Variants in KIF6 observed in about 807,000 individuals in gnomAD.
The protein encoded by KIF6 is kinesin-like protein KIF6.
A neutral mutation model predicts 112.7 loss-of-function variants in KIF6; 106 were observed. The ratio of observed to expected loss-of-function variants is 0.94; its 90% CI spans 0.80 to 1.11. The LOEUF (loss-of-function observed/expected upper bound fraction) is 1.11, where lower values mean the gene tolerates loss of function less well. Ranked by LOEUF, KIF6 falls within the 50% of genes least tolerant of loss-of-function variation. The pLI is 0.00. For synonymous variants in KIF6, 339 were observed against 339.9 expected (o/e 1.00, Z 0.03); for missense variants, 929 against 964.0 (o/e 0.96, Z 0.48).
At chr6:39,573,503 T>C (rs1780756971) in intron 10 of KIF6, among the ~76,000 whole-genome samples, 1 of 152,246 alleles carries the variant, frequency 6.6e-6, no homozygotes, top group African/African-American at 2.4e-5. Flanking sequence ...TAATCTGCAC[T>C]GTCAGTTGTG....
At chr6:39,653,680 C>T (rs1487262898) in intron 3 of KIF6, among the ~76,000 whole-genome samples, 2 of 152,112 alleles carry the variant, frequency 1.3e-5, no homozygotes, top group Non-Finnish European at 2.9e-5. Context: ...TGCTGGAAGC[C>T]TCTTAAAATC....
At chr6:39,434,289 C>T (rs530616649) in intron 13 of KIF6, among the ~76,000 whole-genome samples, 2 of 151,764 alleles carry the variant, frequency 1.3e-5, no homozygotes, top group Non-Finnish European at 2.9e-5. Flanking sequence ...AATGGCAGGG[C>T]GCAATGGCTC....
chr6:39,581,672 T>C (rs1781304955), intron 9 of KIF6, among the ~76,000 whole-genome samples: 1 of 152,002 alleles, frequency 6.6e-6, no homozygotes, highest in African/African-American at 2.4e-5. Flanking sequence ...TTTTTTTTTA[T>C]AGTTGTCCCT....
rs1156302140 is a variant in KIF6 at position 39,590,427 on chromosome 6, GTGTATA to G, written c.847-4029_847-4024del. Among the ~76,000 whole-genome samples, 445 of 112,618 alleles carry G rather than the reference GTGTATA, an allele frequency of 4.0e-3. 1 individual carries two copies. Among genetic ancestry groups the G allele is most frequent in the African/African-American group, 0.015 (388 of 26,706 alleles). The allele number at this position is 112,618 out of a possible 152,430, so 73.9% of individuals were successfully genotyped here. A position where few individuals can be genotyped will look rare whatever the true frequency, so the allele number is the denominator to read the frequency against. On this transcript the variant is annotated intron_variant, in intron 7 of 22. Coordinates refer to ENST00000287152, the MANE Select transcript of KIF6 (RefSeq NM_145027.6). Reference sequence around the variant, plus strand: ...TATATATATGTGTGTGTATGTGTGTGTGTATATATATATATATATATATATTTTTTT... The same window carrying G: ...TATATATATGTGTGTGTATGTGTGTGTATATATATATATATATATTTTTTT...
At chr6:39,353,931 G>A (rs1035757079) in intron 19 of KIF6, 2 of 571,738 alleles carry the variant, frequency 3.5e-6, no homozygotes, top group Non-Finnish European at 3.2e-6. Flanking sequence ...ACCCATGGGG[G>A]TGCCACTGCT....
Position 39,342,770 on chromosome 6 carries a change from G to T in KIF6, c.2428+939C>A. On this transcript the variant is annotated intron_variant, in intron 22 of 22. Transcript: ENST00000287152. This position sits in a 1 kb window ranked among gnomAD's most constrained non-coding sequence, Gnocchi z 4.7. ...GAGGATAGTAAATAAGCAGGCTGGC[G>T]GCCAAGCAAGGCGAGTACAGGACCA... 2.0e-6 allele frequency: 2 copies of T among 984,796 alleles called. No individual in the cohort carries two copies. The highest frequency in any genetic ancestry group is 2.4e-6 in the Non-Finnish European group (2 of 829,470). The allele number at this position is 984,796 out of a possible 1,614,324, so 61.0% of individuals were successfully genotyped here.
chr6:39,597,087 A>T (rs1399077404), intron 6 of KIF6, among the ~76,000 whole-genome samples: 1 of 152,214 alleles, frequency 6.6e-6, no homozygotes, highest in Non-Finnish European at 1.5e-5. Flanking sequence ...TGTGCAGGAT[A>T]TTAATGCACC....
At chr6:39,369,877 C>A (rs1581695689) in intron 16 of KIF6, among the ~76,000 whole-genome samples, 1 of 152,302 alleles carries the variant, frequency 6.6e-6, no homozygotes, top group Non-Finnish European at 1.5e-5. Context: ...AACCCCAGAT[C>A]CATCTTTTGG....
chr6:39,403,922 C>T (rs979246620), intron 15 of KIF6, among the ~76,000 whole-genome samples: 12 of 152,154 alleles, frequency 7.9e-5, no homozygotes, highest in African/African-American at 1.7e-4. Flanking sequence ...TTTTTGCATG[C>T]GTTCATTTGC....
intron 13 of KIF6, among the ~76,000 whole-genome samples, chr6:39,496,879 A>G (rs901322691): frequency 6.6e-6 from 1 of 152,262 alleles, no homozygotes; most frequent in African/African-American, 2.4e-5. Flanking sequence ...ACTTTGATTT[A>G]TAGCACTTAA....
rs1453835392 is a variant in KIF6, at chr6:39,407,728, G to A, written c.1810+12220C>T. ...GGTCTGGTGCAAGTTTTAACCATCT[G>A]TATGCAGGAGTCATTTATTCATGTA... On this transcript the variant is annotated intron_variant, in intron 15 of 22. Coordinates refer to ENST00000287152, the MANE Select transcript of KIF6 (RefSeq NM_145027.6). 2.6e-5 allele frequency among the ~76,000 whole-genome samples: 4 copies of A among 152,270 alleles called. No individual in the cohort carries two copies. The East Asian group carries it at 7.7e-4, about 29-fold the overall frequency.
intron 19 of KIF6, among the ~76,000 whole-genome samples, chr6:39,349,774 C>T (rs1258045785): frequency 6.6e-6 from 1 of 151,116 alleles, no homozygotes; most frequent in African/African-American, 2.4e-5. Context: ...TCCTGAGTAG[C>T]TGGGACTACA....
chr6:39,562,161 C>T (rs572560212), intron 10 of KIF6, among the ~76,000 whole-genome samples: 1 of 152,296 alleles, frequency 6.6e-6, no homozygotes, highest in Middle Eastern at 3.4e-3. Context: ...CTGGCATGAA[C>T]TCATGAGTTT....
At chr6:39,425,147 G>A (rs945967878) in intron 14 of KIF6, among the ~76,000 whole-genome samples, 1 of 152,194 alleles carries the variant, frequency 6.6e-6, no homozygotes, top group African/African-American at 2.4e-5. Flanking sequence ...CAGTCCCCAA[G>A]AGCCTCTGCA....
chr6:39,651,686 G>T (rs1051106134), intron 3 of KIF6, among the ~76,000 whole-genome samples: 7 of 152,116 alleles, frequency 4.6e-5, no homozygotes, highest in Non-Finnish European at 7.4e-5. Flanking sequence ...AAGACATTTT[G>T]CACATTTTTG....
intron 3 of KIF6, among the ~76,000 whole-genome samples, chr6:39,699,418 A>T (rs1053060192): frequency 1.3e-5 from 2 of 152,166 alleles, no homozygotes; most frequent in Admixed American, 1.3e-4. Context: ...CAGCCAGGGC[A>T]AGAGCCTTTA....
intron 15 of KIF6, among the ~76,000 whole-genome samples, chr6:39,389,665 T>C (rs1767710000): frequency 1.3e-5 from 2 of 152,204 alleles, no homozygotes; most frequent in Non-Finnish European, 2.9e-5. Flanking sequence ...TCTGGGCAGC[T>C]ATAGCCCATC....
intron 3 of KIF6, among the ~76,000 whole-genome samples, chr6:39,698,059 A>T (rs1788661421): frequency 6.6e-6 from 1 of 152,224 alleles, no homozygotes; most frequent in Admixed American, 6.5e-5. Flanking sequence ...TCTAATATAG[A>T]TATGAGACTA....
In KIF6 at chr6:39,581,029, G is replaced by T. The variant is rs530834238; in HGVS notation, c.1078-2870C>A. On this transcript the variant is annotated intron_variant, in intron 9 of 22. Transcript: ENST00000287152. ...CTATCATAATGCAAAATTCCTAAAA[G>T]AAAAAAATTAGCAGGCTTGATCCAG... 3.3e-5 allele frequency among the ~76,000 whole-genome samples: 5 copies of T among 151,830 alleles called. No individual in the cohort carries two copies. The South Asian group carries it at 1.0e-3, about 31-fold the overall frequency.
Sources: allele counts gnomAD v4.1 joint callset (sites outside exome capture counted in the v4.1 genomes callset), GRCh38; gene constraint gnomAD v4.1.1; non-coding constraint Gnocchi (gnomAD v3.1); transcripts MANE v1.5; gene names NCBI Gene and HGNC (gene_info 2026-07-23, HGNC 2026-07-21).